The following SDK1 variants were observed in gnomAD, a reference collection of about 807,000 sequenced individuals.
SDK1 encodes sidekick cell adhesion molecule 1, also known as protein sidekick-1.
In SDK1, 157 loss-of-function variants were observed where a neutral mutation model predicts 245.5. That is an observed-to-expected ratio of 0.64 (90% CI 0.56 to 0.73). SDK1 has a LOEUF of 0.73. Among genes scored for constraint, SDK1 ranks in the 30% least tolerant of loss-of-function variants. The pLI is 0.00. For missense variants in SDK1, 3,583 were observed against 3,002.3 expected, an observed-to-expected ratio of 1.19 and a Z score of -4.52; for synonymous variants, 1,647 against 1,278.5, an observed-to-expected ratio of 1.29 and a Z score of -6.15.
intron 13 of SDK1, among the ~76,000 whole-genome samples, chr7:3,984,968 C>T (rs1183922928): frequency 6.6e-6 from 1 of 152,252 alleles, no homozygotes; most frequent in Non-Finnish European, 1.5e-5. Flanking sequence ...CTACCACTCT[C>T]ACCGACCCCA....
At chr7:4,242,708 T>G (rs1786605935) in intron 43 of SDK1, among the ~76,000 whole-genome samples, 1 of 152,168 alleles carries the variant, frequency 6.6e-6, no homozygotes, top group South Asian at 2.1e-4. Context: ...TCACCTTGGA[T>G]TAGACTCAGC....
At chr7:3,583,735 A>G (rs953813413) in intron 1 of SDK1, among the ~76,000 whole-genome samples, 1 of 152,178 alleles carries the variant, frequency 6.6e-6, no homozygotes, top group Admixed American at 6.5e-5. Flanking sequence ...CACAGAAGGC[A>G]TTGGCAGGAA....
chr7:3,429,818 TG>T lies in SDK1; in HGVS notation c.298+127937del, dbSNP rs1179029837. On this transcript the variant is annotated intron_variant, in intron 1 of 44. Transcript: ENST00000404826. ...TGTTGCCCAGGCTGGTGTTAAGCCC[TG>T]GGTTCAAGCAGTCCTCCTGCTTTGG... 2.0e-5 allele frequency among the ~76,000 whole-genome samples: 3 copies of T among 151,674 alleles called. No individual in the cohort carries two copies. The East Asian group carries it at 5.8e-4, about 29-fold the overall frequency.
intron 1 of SDK1, among the ~76,000 whole-genome samples, chr7:3,377,112 T>C (rs1781374240): frequency 6.6e-6 from 1 of 152,220 alleles, no homozygotes; most frequent in African/African-American, 2.4e-5. Flanking sequence ...TTTTTTCTTT[T>C]AGGATTCTGT....
intron 1 of SDK1, among the ~76,000 whole-genome samples, chr7:3,418,145 G>GCAAAAAAAAAAAAAAAAAAAAAAAAAAAA (rs1292199670): frequency 8.4e-6 from 1 of 119,724 alleles, no homozygotes; most frequent in African/African-American, 3.9e-5. Context: ...TACTAAAAAT[G>GCAAAAAAAAAAAAAAAAAAAAAAAAAAAA]AAAAAAAAAA....
intron 4 of SDK1, among the ~76,000 whole-genome samples, chr7:3,654,525 T>C (rs894415762): frequency 3.9e-5 from 6 of 152,236 alleles, no homozygotes; most frequent in South Asian, 2.1e-4. Flanking sequence ...GGATATGGGC[T>C]GTTGCCCACA....
rs537172097 is a variant in SDK1, at chr7:4,077,572, A to G, written c.3202+383A>G. Among the ~76,000 whole-genome samples, 3 of 152,334 alleles carry G rather than the reference A, an allele frequency of 2.0e-5. No individual in the cohort carries two copies. The South Asian group carries it at 6.2e-4, about 32-fold the overall frequency. ...AGACATACCCGAGACTGGGCCATTT[A>G]CAAAAGAAACAGGTTTAATGGACTT... is the stretch of plus-strand genomic sequence containing the variant. On this transcript the variant is annotated intron_variant, in intron 21 of 44. Transcript: ENST00000404826.
chr7:4,148,269 G>A (rs1000655102), intron 29 of SDK1, among the ~76,000 whole-genome samples: 1 of 152,250 alleles, frequency 6.6e-6, no homozygotes, highest in Admixed American at 6.5e-5. Flanking sequence ...ATCAATTGCA[G>A]CTTTACACAC....
At chr7:4,209,704 T>G (rs1784416467) in intron 37 of SDK1, among the ~76,000 whole-genome samples, 1 of 152,216 alleles carries the variant, frequency 6.6e-6, no homozygotes, top group South Asian at 2.1e-4. Flanking sequence ...CAGCAGTTGC[T>G]AGAAAATGGA....
intron 5 of SDK1, among the ~76,000 whole-genome samples, chr7:3,915,404 G>T (rs539389098): frequency 6.6e-6 from 1 of 152,202 alleles, no homozygotes; most frequent in African/African-American, 2.4e-5. Context: ...CCGTGGGGAG[G>T]TAATTGAATC....
chr7:3,313,097 A>T (rs1304205842), intron 1 of SDK1, among the ~76,000 whole-genome samples: 1 of 152,204 alleles, frequency 6.6e-6, no homozygotes, highest in Non-Finnish European at 1.5e-5. Context: ...GTCCATATAA[A>T]GTATTATGAT....
At chr7:3,803,632 G>A (rs1272237490) in intron 4 of SDK1, among the ~76,000 whole-genome samples, 2 of 151,160 alleles carry the variant, frequency 1.3e-5, no homozygotes, top group African/African-American at 4.9e-5. Flanking sequence ...TTTTCTAATT[G>A]GATTTTTTTA....
chr7:3,678,040 C>G (rs1783964819), intron 4 of SDK1, among the ~76,000 whole-genome samples: 1 of 152,162 alleles, frequency 6.6e-6, no homozygotes, highest in Non-Finnish European at 1.5e-5. Flanking sequence ...AGTGGTCAAA[C>G]CACAGCAGGT....
At chr7:4,119,654 A>G in intron 25 of SDK1, among the ~76,000 whole-genome samples, 1 of 149,304 alleles carries the variant, frequency 6.7e-6, no homozygotes, top group South Asian at 2.2e-4. Context: ...AAAAAACTAA[A>G]GAAACATGGT....
chr7:3,718,794 GA>G (rs907976465), intron 4 of SDK1, among the ~76,000 whole-genome samples: 14 of 149,784 alleles, frequency 9.3e-5, no homozygotes, highest in Middle Eastern at 3.4e-3. Flanking sequence ...AATAAGGTAG[GA>G]AAAAAAAAGG....
At chr7:3,863,461 T>C (rs900223867) in intron 5 of SDK1, among the ~76,000 whole-genome samples, 3 of 152,218 alleles carry the variant, frequency 2.0e-5, no homozygotes, top group African/African-American at 7.2e-5. Flanking sequence ...TATGTTTGCA[T>C]GTACAACTTC....
chr7:3,545,947 G>A (rs889366814), intron 1 of SDK1, among the ~76,000 whole-genome samples: 2 of 152,188 alleles, frequency 1.3e-5, no homozygotes, highest in African/African-American at 4.8e-5. Context: ...ACCTAAATCA[G>A]TATAACCTCG....
At chr7:4,082,631 A>T (rs1027121814) in intron 22 of SDK1, among the ~76,000 whole-genome samples, 2 of 151,372 alleles carry the variant, frequency 1.3e-5, no homozygotes, top group African/African-American at 4.9e-5. Flanking sequence ...AATTATTATT[A>T]TTTTTTTGAG....
intron 1 of SDK1, among the ~76,000 whole-genome samples, chr7:3,511,117 G>A (rs891552803): frequency 2.0e-5 from 3 of 152,180 alleles, no homozygotes; most frequent in Non-Finnish European, 2.9e-5. Flanking sequence ...GCAGGATTAG[G>A]ATTCCACGGT....
Sources: gnomAD v4.1 joint callset for allele counts (sites outside exome capture counted in the v4.1 genomes callset) on GRCh38, gnomAD v4.1.1 for gene constraint, MANE v1.5 for transcripts, NCBI Gene and HGNC (gene_info 2026-07-23, HGNC 2026-07-21) for gene names.